The following LARGE1 variants were observed in gnomAD, a reference collection of about 807,000 sequenced individuals.
LARGE1 encodes the protein xylosyl- and glucuronyltransferase LARGE1.
In LARGE1, 43 loss-of-function variants were observed where a neutral mutation model predicts 87.6. The observed-to-expected ratio is 0.49, with a 90% CI of 0.38 to 0.63. The LOEUF is 0.63. LARGE1 is among the 30% of genes least tolerant of loss of function. LARGE1 has a pLI of 0.00. For missense variants in LARGE1, 802 were observed against 1,000.2 expected (o/e 0.80, Z 2.67); for synonymous variants, 434 against 394.6 (o/e 1.10, Z -1.18).
the LARGE1 span, among the ~76,000 whole-genome samples, chr22:33,104,242 T>C: frequency 6.6e-6 from 1 of 152,200 alleles, no homozygotes; most frequent in Non-Finnish European, 1.5e-5. Flanking sequence ...GGAGTTGCTT[T>C]GGACCTCTAA....
chr22:33,139,306 TA>T, the LARGE1 span, among the ~76,000 whole-genome samples: 1 of 152,218 alleles, frequency 6.6e-6, no homozygotes, highest in Non-Finnish European at 1.5e-5. Context: ...GCCATTTGTA[TA>T]TGAATTCTCT....
chr22:33,603,784 G>T (rs141399265), intron 5 of LARGE1, among the ~76,000 whole-genome samples: 81 of 152,206 alleles, frequency 5.3e-4, no homozygotes, highest in African/African-American at 1.8e-3. Context: ...TTCTTAATCG[G>T]GCTGTGGGTC....
chr22:33,417,147 CG>C (rs1333430591), intron 7 of LARGE1, among the ~76,000 whole-genome samples: 1 of 152,000 alleles, frequency 6.6e-6, no homozygotes, highest in Admixed American at 6.6e-5. Flanking sequence ...CCTCGTGATC[CG>C]CCTGCCTCGG....
At chr22:33,549,608 G>A (rs1602376890) in intron 6 of LARGE1, among the ~76,000 whole-genome samples, 2 of 152,286 alleles carry the variant, frequency 1.3e-5, no homozygotes, top group East Asian at 1.9e-4. Context: ...CCATGGCCCT[G>A]GAAGTGAAAA....
Position 33,626,275 on chromosome 22 carries a change from C to T in LARGE1, c.460G>A (p.Val154Ile), listed in dbSNP as rs138938225. ...CAGYNASRDVVTLVKSVLFHR... is the reference protein window; with the variant it reads ...CAGYNASRDVITLVKSVLFHR... ...AACAGGACGGATTTGACCAGGGTGA[C>T]GACATCCCGGCTGGCATTGTATCCG... The change falls in exon 4 of 15, where the codon GTC becomes ATC. Residue 154 changes from valine to isoleucine, a missense_variant. Physicochemically the swap from Val to Ile is conservative, Grantham distance 29. Coordinates refer to ENST00000397394, the MANE Select transcript of LARGE1 (RefSeq NM_133642.5). The T allele has an allele frequency of 5.6e-5, 91 of 1,614,054 alleles. No homozygotes were observed. Among genetic ancestry groups the T allele is most frequent in the African/African-American group, 3.2e-4 (24 of 75,010 alleles).
chr22:33,146,542 T>C, the LARGE1 span, among the ~76,000 whole-genome samples: 12 of 152,132 alleles, frequency 7.9e-5, no homozygotes, highest in African/African-American at 2.4e-4. Flanking sequence ...GCCTCTACGC[T>C]TTACTCTCTC....
intron 8 of LARGE1, among the ~76,000 whole-genome samples, chr22:33,383,876 C>T (rs1289864515): frequency 1.3e-5 from 2 of 152,202 alleles, no homozygotes; most frequent in Admixed American, 1.3e-4. Context: ...TATGAGTCTG[C>T]GTCAGTAGAC....
rs887616430 is a variant in LARGE1 at position 33,360,332 on chromosome 22, A to G, written c.1131+21587T>C. 7.4e-5 allele frequency among the ~76,000 whole-genome samples: 11 copies of G among 148,994 alleles called. 1 individual carries two copies. Among genetic ancestry groups the G allele is most frequent in the Admixed American group, 6.6e-4 (10 of 15,046 alleles). On this transcript the variant is annotated intron_variant, in intron 9 of 14. Coordinates refer to ENST00000397394, the MANE Select transcript of LARGE1 (RefSeq NM_133642.5). ...TGTCTCCAAAAACAAAAACAAAAAAACCCTGAGGGCTGGTAATTTATAAAG... is the reference window on the plus strand; with the variant it reads ...TGTCTCCAAAAACAAAAACAAAAAAGCCCTGAGGGCTGGTAATTTATAAAG...
At chr22:33,111,324 G>A in the LARGE1 span, among the ~76,000 whole-genome samples, 2 of 152,118 alleles carry the variant, frequency 1.3e-5, no homozygotes, top group South Asian at 2.1e-4. Flanking sequence ...CTCTGACTCC[G>A]TAGGACTGGC....
At chr22:33,615,589 G>C (rs1174847622) in intron 4 of LARGE1, among the ~76,000 whole-genome samples, 2 of 150,526 alleles carry the variant, frequency 1.3e-5, no homozygotes, top group African/African-American at 4.9e-5. Flanking sequence ...ATTCCTACCA[G>C]ATCCCGATCT....
rs560240209 is a variant in LARGE1, at chr22:33,208,245, A to G, written c.1731-41413T>C. On this transcript the variant is annotated intron_variant, in intron 11 of 11. Coordinates refer to the LARGE1 transcript ENST00000608642. ...TTGGAAGGCCAAGGAAATGAGATCT[A>G]TGAAAATCGTATAGGCCACATAGAA... Among the ~76,000 whole-genome samples, 27 of 152,350 alleles carry G rather than the reference A, an allele frequency of 1.8e-4. No individual in the cohort carries two copies. The East Asian group carries it at 4.2e-3, about 24-fold the overall frequency.
At chr22:33,818,460 GA>G (rs1393621164) in intron 1 of LARGE1, among the ~76,000 whole-genome samples, 1 of 152,114 alleles carries the variant, frequency 6.6e-6, no homozygotes, top group Non-Finnish European at 1.5e-5. Context: ...GAGAAAAGAG[GA>G]GGGGAGGAAG....
chr22:33,291,343 A>C (rs1932514685), intron 12 of LARGE1, among the ~76,000 whole-genome samples: 1 of 152,196 alleles, frequency 6.6e-6, no homozygotes, highest in Admixed American at 6.5e-5. Context: ...ATGGGATTCC[A>C]GTTACTTGCC....
At chr22:33,918,217 T>C (rs9619385) in intron 1 of LARGE1, among the ~76,000 whole-genome samples, 1,896 of 152,312 alleles carry the variant, frequency 0.012, 45 homozygotes, top group African/African-American at 0.043. Context: ...GAATCTGCAT[T>C]GGCTCACATC....
chr22:33,817,211 A>T (rs1223801433), intron 1 of LARGE1, among the ~76,000 whole-genome samples: 1 of 152,172 alleles, frequency 6.6e-6, no homozygotes, highest in Non-Finnish European at 1.5e-5. Context: ...GCTTGCCAAC[A>T]GCCTTGTCTC....
intron 1 of LARGE1, among the ~76,000 whole-genome samples, chr22:33,769,986 AT>A (rs1258655309): frequency 6.6e-6 from 1 of 152,242 alleles, no homozygotes; most frequent in Non-Finnish European, 1.5e-5. Context: ...TAAGAACAGC[AT>A]ATTTCAGCCC....
chr22:33,864,883 T>C (rs1387738104), intron 1 of LARGE1, among the ~76,000 whole-genome samples: 1 of 152,190 alleles, frequency 6.6e-6, no homozygotes, highest in Non-Finnish European at 1.5e-5. Context: ...TGTGGCCTTA[T>C]CCTGCAGGCC....
chr22:33,349,170 G>A (rs1940115131), intron 9 of LARGE1, among the ~76,000 whole-genome samples: 1 of 152,094 alleles, frequency 6.6e-6, no homozygotes, highest in Admixed American at 6.6e-5. Flanking sequence ...AGCTTCCTTG[G>A]TTCTCAGGCC....
At chr22:33,784,975 A>G (rs1487288718) in intron 1 of LARGE1, among the ~76,000 whole-genome samples, 2 of 151,254 alleles carry the variant, frequency 1.3e-5, no homozygotes, top group Non-Finnish European at 3.0e-5. Context: ...ATACATGTGT[A>G]TACATACATA....
Sources: gnomAD v4.1 joint callset for allele counts (sites outside exome capture counted in the v4.1 genomes callset) on GRCh38, gnomAD v4.1.1 for gene constraint, MANE v1.5 for transcripts, NCBI Gene and HGNC (gene_info 2026-07-23, HGNC 2026-07-21) for gene names.